LTA4H: variants seen among roughly 807,000 people sequenced by gnomAD.
LTA4H encodes leukotriene A4 hydrolase.
A neutral mutation model predicts 89.8 loss-of-function variants in LTA4H; 59 were observed. The ratio of observed to expected loss-of-function variants is 0.66; its 90% CI spans 0.53 to 0.82. The LOEUF (loss-of-function observed/expected upper bound fraction) is 0.82. Among genes scored for constraint, LTA4H ranks in the 40% least tolerant of loss-of-function variants. LTA4H has a pLI of 0.00. For missense variants in LTA4H, 617 were observed against 727.0 expected (o/e 0.85, Z 1.74); for synonymous variants, 227 against 253.1 (o/e 0.90, Z 0.98).
upstream of LTA4H, chr12:96,035,749 G>C (rs909916847): frequency 7.2e-6 from 8 of 1,118,814 alleles, no homozygotes; most frequent in South Asian, 1.9e-5. Flanking sequence ...ACCTGGGAGC[G>C]TGTGTGTTAG....
chr12:96,029,310 T>TG, intron 1 of LTA4H, 125 bp from the exon 2 acceptor site: 1 of 500,968 alleles, frequency 2.0e-6, no homozygotes, highest in Non-Finnish European at 3.3e-6. Context: ...TTAGAAGAAT[T>TG]GAAGAGTCAA....
chr12:96,015,089 T>C (rs993370673), intron 11 of LTA4H, 90 bp from the exon 12 acceptor site: 2 of 1,216,754 alleles, frequency 1.6e-6, no homozygotes, highest in African/African-American at 1.5e-5. Flanking sequence ...CTTCACTCAG[T>C]GGTGTAACTT....
At chr12:96,039,760 C>G (rs1235147455), upstream of LTA4H, among the ~76,000 whole-genome samples, 1 of 152,224 alleles carries the variant, frequency 6.6e-6, no homozygotes, top group African/African-American at 2.4e-5. Context: ...ACAAATGCTT[C>G]CCTTAAAAGG....
At chr12:96,032,355 C>A (rs1408368531) in intron 1 of LTA4H, among the ~76,000 whole-genome samples, 1 of 152,230 alleles carries the variant, frequency 6.6e-6, no homozygotes, top group Non-Finnish European at 1.5e-5. Flanking sequence ...TGGGTCTTCC[C>A]ATCTCACCTC....
upstream of LTA4H, chr12:96,035,657 T>G: frequency 7.0e-7 from 1 of 1,428,382 alleles, no homozygotes; most frequent in African/African-American, 1.5e-5. Flanking sequence ...GAAAGGAAGT[T>G]TCTTAAAGTC....
chr12:96,039,977 T>G (rs1950676467), upstream of LTA4H, among the ~76,000 whole-genome samples: 1 of 152,230 alleles, frequency 6.6e-6, no homozygotes, highest in African/African-American at 2.4e-5. Flanking sequence ...AACATGGTGT[T>G]AAGAGGAGAC....
At chr12:96,013,028 T>C (rs1027377596) in intron 14 of LTA4H, 160 bp downstream of exon 14, 20 of 526,006 alleles carry the variant, frequency 3.8e-5, no homozygotes, top group African/African-American at 5.6e-5. Context: ...CTGCAGAAAT[T>C]ATTCTTTTGG....
chr12:96,041,852 A>G lies in LTA4H; in HGVS notation c.87+1437T>C, dbSNP rs539986082. Among the ~76,000 whole-genome samples, 32 of 152,272 alleles carry G rather than the reference A, an allele frequency of 2.1e-4. No individual in the cohort carries two copies. The South Asian group carries it at 6.4e-3, about 31-fold the overall frequency. Reference sequence around the variant, plus strand: ...GAGATGGGGTTTCACCGTGTTAGCCAGGATGGTCTCAATCTCCTGACCTCG... The same window carrying G: ...GAGATGGGGTTTCACCGTGTTAGCCGGGATGGTCTCAATCTCCTGACCTCG... On this transcript the variant is annotated intron_variant, in intron 1 of 17. Coordinates refer to the LTA4H transcript ENST00000413268.
chr12:96,018,753 T>G lies in LTA4H; in HGVS notation c.852+10A>C, dbSNP rs1207046089. 2.0e-6 allele frequency: 3 copies of G among 1,538,358 alleles called. No individual in the cohort carries two copies. In the South Asian group the frequency reaches 3.8e-5, roughly 19 times the overall value. ...ACGTCAATTTCAAATGAAGAAACAT[T>G]TACACTTACCAGTAGAGTAGGAGTT... On this transcript the variant is annotated intron_variant, in intron 8 of 18. Coordinates refer to ENST00000228740, the MANE Select transcript of LTA4H (RefSeq NM_000895.3).
At chr12:96,042,157 A>ATTTTTAG (rs1950692735) in intron 1 of LTA4H, among the ~76,000 whole-genome samples, 1 of 150,764 alleles carries the variant, frequency 6.6e-6, no homozygotes, top group Admixed American at 6.6e-5. Flanking sequence ...TAATTTTTGT[A>ATTTTTAG]TTTTTAGTTT....
chr12:96,016,605 TAAAAAA>T (rs1003743583), intron 10 of LTA4H, among the ~76,000 whole-genome samples: 2 of 124,988 alleles, frequency 1.6e-5, no homozygotes, highest in Admixed American at 1.6e-4. Flanking sequence ...TGTCTCCAAT[TAAAAAA>T]AAAAAATAGC....
intron 2 of LTA4H, 120 bp downstream of exon 2, chr12:96,028,935 T>A: frequency 1.4e-6 from 1 of 707,066 alleles, no homozygotes; most frequent in Non-Finnish European, 2.1e-6. Context: ...TCAGGATAAG[T>A]AGTGTACCAA....
chr12:96,035,321 G>T (rs1950627355), intron 1 of LTA4H, 40 bp downstream of exon 1: 20 of 1,575,940 alleles, frequency 1.3e-5, no homozygotes, highest in South Asian at 2.3e-5. Flanking sequence ...GGGGCAGGGA[G>T]CCCGGGAGAG....
At chr12:96,039,229 A>G (rs1286005785), upstream of LTA4H, among the ~76,000 whole-genome samples, 2 of 152,174 alleles carry the variant, frequency 1.3e-5, no homozygotes, top group African/African-American at 4.8e-5. Context: ...TACAAATAAT[A>G]GTAATAATAA....
chr12:96,032,797 AAAC>A (rs1463537172), intron 1 of LTA4H, among the ~76,000 whole-genome samples: 1 of 152,218 alleles, frequency 6.6e-6, no homozygotes, highest in African/African-American at 2.4e-5. Context: ...GGGAATGTAA[AAAC>A]AATGAGCAGA....
At chr12:96,030,647 C>T (rs1472163519) in intron 1 of LTA4H, among the ~76,000 whole-genome samples, 3 of 152,158 alleles carry the variant, frequency 2.0e-5, no homozygotes, top group Non-Finnish European at 2.9e-5. Context: ...CCACTACTAA[C>T]CCAGGTCAGG....
chr12:96,031,938 A>G (rs939943441), intron 1 of LTA4H, among the ~76,000 whole-genome samples: 8 of 151,984 alleles, frequency 5.3e-5, no homozygotes, highest in Non-Finnish European at 7.4e-5. Context: ...GGATATGATG[A>G]AAAAAAATAG....
At chr12:96,001,677 C>A (rs909575324) in intron 18 of LTA4H, among the ~76,000 whole-genome samples, 5 of 151,948 alleles carry the variant, frequency 3.3e-5, no homozygotes, top group African/African-American at 1.2e-4. Context: ...GTCCTGACCA[C>A]AGTGAAATAA....
intron 4 of LTA4H, among the ~76,000 whole-genome samples, chr12:96,023,883 A>G (rs1189594085): frequency 6.6e-6 from 1 of 152,032 alleles, no homozygotes; most frequent in African/African-American, 2.4e-5. Context: ...TCTTATTTCT[A>G]GATCCAGGAT....
Sources: gnomAD v4.1 joint callset for allele counts (sites outside exome capture counted in the v4.1 genomes callset) on GRCh38, gnomAD v4.1.1 for gene constraint, MANE v1.5 for transcripts, NCBI Gene and HGNC (gene_info 2026-07-23, HGNC 2026-07-21) for gene names.